Variants in ZBTB2 observed in about 807,000 individuals in gnomAD.
The protein encoded by ZBTB2 is zinc finger and BTB domain-containing protein 2.
Under a neutral mutation model 39.5 loss-of-function variants are expected in ZBTB2, and 2 were observed. The observed-to-expected ratio is 0.05, with a 90% CI of 0.02 to 0.16. The LOEUF is 0.16. Ranked by LOEUF, ZBTB2 falls within the 10% of genes least tolerant of loss-of-function variation. The probability of loss-of-function intolerance (pLI) is 1.00; values close to 1 mark genes in which losing one functional copy is unlikely to be tolerated. For missense variants in ZBTB2, 391 were observed against 653.0 expected (o/e 0.60, Z 4.37); for synonymous variants, 251 against 256.6 (o/e 0.98, Z 0.21).
intron 1 of ZBTB2, among the ~76,000 whole-genome samples, chr6:151,375,712 G>A (rs1235624075): frequency 6.6e-6 from 1 of 152,016 alleles, no homozygotes; most frequent in Non-Finnish European, 1.5e-5. Context: ...GCACAGGCAC[G>A]CACCACCAAA....
chr6:151,371,005 T>C (rs1582915514), intron 2 of ZBTB2, among the ~76,000 whole-genome samples: 1 of 152,248 alleles, frequency 6.6e-6, no homozygotes, highest in East Asian at 1.9e-4. Flanking sequence ...ACTCATTACG[T>C]AGTATTTTTG....
chr6:151,389,669 T>C (rs769975037), intron 1 of ZBTB2, among the ~76,000 whole-genome samples: 1 of 152,060 alleles, frequency 6.6e-6, no homozygotes, highest in East Asian at 1.9e-4. Flanking sequence ...AGTGGACCCA[T>C]TGTATGATGA....
chr6:151,386,717 T>C (rs1277709461), intron 1 of ZBTB2, among the ~76,000 whole-genome samples: 1 of 152,258 alleles, frequency 6.6e-6, no homozygotes, highest in Non-Finnish European at 1.5e-5. Flanking sequence ...AAAGTCTTAA[T>C]AATATGTTTC....
At chr6:151,386,500 C>T (rs1254711657) in intron 1 of ZBTB2, among the ~76,000 whole-genome samples, 1 of 152,226 alleles carries the variant, frequency 6.6e-6, no homozygotes, top group East Asian at 1.9e-4. Flanking sequence ...TGCCACTGCA[C>T]TCTAGCCTGC....
At chr6:151,377,106 C>G (rs1778926488) in intron 1 of ZBTB2, among the ~76,000 whole-genome samples, 1 of 148,548 alleles carries the variant, frequency 6.7e-6, no homozygotes, top group Admixed American at 6.8e-5. Flanking sequence ...TATGATAACA[C>G]TGATATAATA....
At chr6:151,389,056 A>G (rs1039826996) in intron 1 of ZBTB2, among the ~76,000 whole-genome samples, 3 of 152,194 alleles carry the variant, frequency 2.0e-5, no homozygotes. Flanking sequence ...CAAACAAACC[A>G]CAAGTTTATT....
intron 1 of ZBTB2, among the ~76,000 whole-genome samples, chr6:151,374,627 T>C (rs965087599): frequency 3.0e-4 from 45 of 151,960 alleles, no homozygotes; most frequent in African/African-American, 9.7e-4. Flanking sequence ...CTCCATAAGA[T>C]TGGGAACAAG....
intron 1 of ZBTB2, among the ~76,000 whole-genome samples, chr6:151,375,534 G>A (rs1184477609): frequency 6.6e-6 from 1 of 152,056 alleles, no homozygotes; most frequent in African/African-American, 2.4e-5. Context: ...ACATGTAAAG[G>A]CAAAGGAACT....
chr6:151,379,302 T>C (rs1175776893), intron 1 of ZBTB2, among the ~76,000 whole-genome samples: 1 of 152,184 alleles, frequency 6.6e-6, no homozygotes, highest in Non-Finnish European at 1.5e-5. Context: ...TATCTTTTCA[T>C]GAGCTCTGCC....
chr6:151,367,607 G>A (rs1778678787), intron 2 of ZBTB2, among the ~76,000 whole-genome samples: 2 of 152,164 alleles, frequency 1.3e-5, no homozygotes, highest in Non-Finnish European at 2.9e-5. Flanking sequence ...TCAATATCAT[G>A]TAGTTGGTAA....
chr6:151,386,887 T>C (rs938114999), intron 1 of ZBTB2, among the ~76,000 whole-genome samples: 12 of 145,744 alleles, frequency 8.2e-5, no homozygotes, highest in South Asian at 2.1e-4. Flanking sequence ...TTAAAAACAA[T>C]AAGGCCATTA....
At chr6:151,378,620 C>A (rs1375087056) in intron 1 of ZBTB2, among the ~76,000 whole-genome samples, 2 of 152,178 alleles carry the variant, frequency 1.3e-5, no homozygotes, top group African/African-American at 4.8e-5. Flanking sequence ...CTTCCTTTTG[C>A]ATCTTACTAA....
At chr6:151,391,091 T>A (rs1232281239) in intron 1 of ZBTB2, among the ~76,000 whole-genome samples, 2 of 139,886 alleles carry the variant, frequency 1.4e-5, no homozygotes, top group Non-Finnish European at 3.1e-5. Flanking sequence ...AAACCCCGGA[T>A]GGAGGCGCCG....
intron 1 of ZBTB2, among the ~76,000 whole-genome samples, chr6:151,374,991 G>C (rs2114864167): frequency 6.6e-6 from 1 of 150,806 alleles, no homozygotes; most frequent in African/African-American, 2.4e-5. Context: ...GTGGTGGCAG[G>C]CGCCTGTAGT....
At chr6:151,391,150 G>C (rs1354533451) in intron 1 of ZBTB2, among the ~76,000 whole-genome samples, 2 of 150,252 alleles carry the variant, frequency 1.3e-5, no homozygotes, top group Non-Finnish European at 3.0e-5. Flanking sequence ...CAAGCGGCCA[G>C]AGCCCCGGCG....
At chr6:151,380,140 GA>G (rs201128167) in intron 1 of ZBTB2, among the ~76,000 whole-genome samples, 93 of 140,938 alleles carry the variant, frequency 6.6e-4, no homozygotes, top group Admixed American at 2.7e-3. Context: ...CCAGAGAAAT[GA>G]AAAAAAAAAA....
In ZBTB2 at chr6:151,366,319, G is replaced by A; in HGVS notation, c.747C>T (p.Ser249=). 6.2e-7 allele frequency: 1 copy of A among 1,614,150 alleles called. No individual in the cohort carries two copies. The highest frequency in any genetic ancestry group is 8.5e-7 in the Non-Finnish European group (1 of 1,180,038). The change falls in exon 3 of 3, where the codon AGC becomes AGT. Residue 249 remains serine (S), a synonymous_variant. Transcript: ENST00000325144. The surrounding 1 kb of genome is among the most constrained non-coding windows in gnomAD (Gnocchi z 7.1). ...GGTGGCAGGCATAGTACTTTGGAAAGCTCCCATTCCTCTTCATGATGCTTG... is the reference window on the plus strand; with the variant it reads ...GGTGGCAGGCATAGTACTTTGGAAAACTCCCATTCCTCTTCATGATGCTTG... ...VKPSIMKRNG[S]FPKYYACHLC... is the part of the protein sequence containing the mutation.
At chr6:151,381,933 G>A (rs543292276) in intron 1 of ZBTB2, among the ~76,000 whole-genome samples, 2 of 152,314 alleles carry the variant, frequency 1.3e-5, no homozygotes, top group Admixed American at 6.5e-5. Flanking sequence ...ACAGAGATAC[G>A]TTCTGAGAAA....
intron 1 of ZBTB2, among the ~76,000 whole-genome samples, chr6:151,380,874 G>C (rs1293075379): frequency 1.3e-5 from 2 of 152,026 alleles, no homozygotes; most frequent in African/African-American, 4.8e-5. Flanking sequence ...CCTTAAACTT[G>C]ATTTAGGTAA....
Sources: gnomAD v4.1 joint callset for allele counts (sites outside exome capture counted in the v4.1 genomes callset) on GRCh38, gnomAD v4.1.1 for gene constraint, Gnocchi (gnomAD v3.1) non-coding constraint, MANE v1.5 for transcripts, NCBI Gene and HGNC (gene_info 2026-07-23, HGNC 2026-07-21) for gene names.